The following DLG2 variants were observed in gnomAD, a reference collection of about 807,000 sequenced individuals.
The protein encoded by DLG2 is discs large MAGUK scaffold protein 2.
In DLG2, 45 loss-of-function variants were observed where a neutral mutation model predicts 132.5. That is an observed-to-expected ratio of 0.34 (90% CI 0.27 to 0.44). The LOEUF (loss-of-function observed/expected upper bound fraction) is 0.44, where lower values mean the gene tolerates loss of function less well. Among genes scored for constraint, DLG2 ranks in the 20% least tolerant of loss-of-function variants. The pLI is 1.00. For synonymous variants in DLG2, 424 were observed against 419.6 expected (o/e 1.01, Z -0.13); for missense variants, 1,045 against 1,196.9 (o/e 0.87, Z 1.87).
At chr11:84,237,759 C>G (rs546737062) in intron 8 of DLG2, among the ~76,000 whole-genome samples, 1 of 147,342 alleles carries the variant, frequency 6.8e-6, no homozygotes, top group African/African-American at 2.5e-5. Flanking sequence ...AAGACACAGC[C>G]GGGCATGGTG....
intron 6 of DLG2, chr11:84,997,891 A>T (rs1002519256): frequency 6.6e-6 from 1 of 152,250 alleles, no homozygotes; most frequent in Non-Finnish European, 1.5e-5. Context: ...AAAGTACATT[A>T]AACTTATCAG....
intron 6 of DLG2, among the ~76,000 whole-genome samples, chr11:85,087,860 A>AAAAAAAAAAC (rs2068183341): frequency 1.4e-5 from 2 of 147,774 alleles, no homozygotes; most frequent in Admixed American, 6.8e-5. Context: ...AAAAAAAAAA[A>AAAAAAAAAAC]AAAAAAAAAC....
chr11:83,753,294 G>A (rs1303144209), intron 18 of DLG2, among the ~76,000 whole-genome samples: 1 of 151,898 alleles, frequency 6.6e-6, no homozygotes, highest in Non-Finnish European at 1.5e-5. Context: ...GTGGTGGCAG[G>A]CGCCTGTAAT....
intron 6 of DLG2, among the ~76,000 whole-genome samples, chr11:84,917,744 G>T (rs2092555358): frequency 6.6e-6 from 1 of 152,006 alleles, no homozygotes; most frequent in African/African-American, 2.4e-5. Flanking sequence ...TGAGTTAATG[G>T]GCTTTGTTAG....
At chr11:84,230,100 A>G (rs929349059) in intron 8 of DLG2, among the ~76,000 whole-genome samples, 1 of 152,234 alleles carries the variant, frequency 6.6e-6, no homozygotes, top group Admixed American at 6.5e-5. Flanking sequence ...AACTTAAAGA[A>G]GGTAATTTAC....
intron 12 of DLG2, 93 bp from the exon 13 acceptor site, chr11:83,965,561 A>G (rs1480770657): frequency 9.6e-7 from 1 of 1,038,186 alleles, no homozygotes; most frequent in East Asian, 2.4e-5. Context: ...ATAAATTGTG[A>G]TAATTACTGT....
rs181248727 is a variant in DLG2, at chr11:84,480,705, C to T, written c.519+53865G>A. Among the ~76,000 whole-genome samples the T allele has an allele frequency of 1.3e-4, 19 of 146,376 alleles. No homozygotes were observed. In the East Asian group the frequency reaches 2.4e-3, roughly 18 times the overall value. ...CTAGTCTCTTTGGCCCATCAGTATT[C>T]GTTTTTTGTTTGTTTGTTTGCTTGT... On this transcript the variant is annotated intron_variant, in intron 7 of 27. Coordinates refer to ENST00000376104, the MANE Select transcript of DLG2 (RefSeq NM_001142699.3).
At chr11:84,031,167 A>G (rs917821011) in intron 11 of DLG2, among the ~76,000 whole-genome samples, 1 of 151,618 alleles carries the variant, frequency 6.6e-6, no homozygotes, top group African/African-American at 2.4e-5. Flanking sequence ...TTACAATTAT[A>G]CCACCCATAA....
At chr11:85,082,893 A>C (rs970436096) in intron 6 of DLG2, among the ~76,000 whole-genome samples, 1 of 151,962 alleles carries the variant, frequency 6.6e-6, no homozygotes, top group Non-Finnish European at 1.5e-5. Flanking sequence ...AAACAATACA[A>C]TTACTGAGCC....
intron 6 of DLG2, among the ~76,000 whole-genome samples, chr11:84,654,468 A>G (rs2154547076): frequency 6.6e-6 from 1 of 152,192 alleles, no homozygotes; most frequent in South Asian, 2.1e-4. Flanking sequence ...CTACTTTCTT[A>G]TCTGTAATTG....
chr11:84,630,081 G>T (rs927142342), intron 6 of DLG2, among the ~76,000 whole-genome samples: 1 of 152,068 alleles, frequency 6.6e-6, no homozygotes. Context: ...TCTTGCCTTG[G>T]TCTACCTAAG....
At chr11:84,466,140 CA>C (rs1320382645) in intron 7 of DLG2, among the ~76,000 whole-genome samples, 1 of 150,944 alleles carries the variant, frequency 6.6e-6, no homozygotes. Flanking sequence ...TCAAAAAGGA[CA>C]AAACTAGATC....
chr11:84,339,227 G>T (rs533591039), intron 7 of DLG2, among the ~76,000 whole-genome samples: 1 of 152,244 alleles, frequency 6.6e-6, no homozygotes, highest in South Asian at 2.1e-4. Context: ...TATAAAACTT[G>T]TTGGAACTGT....
chr11:84,701,494 T>G (rs1290012025), intron 6 of DLG2, among the ~76,000 whole-genome samples: 4 of 151,658 alleles, frequency 2.6e-5, no homozygotes, highest in African/African-American at 9.7e-5. Context: ...TGATAGGTCC[T>G]GTACTCCCAT....
At chr11:84,733,889 T>C (rs2063484086) in intron 6 of DLG2, among the ~76,000 whole-genome samples, 1 of 152,208 alleles carries the variant, frequency 6.6e-6, no homozygotes, top group Non-Finnish European at 1.5e-5. Flanking sequence ...ATTTGTTGAA[T>C]AGAGAATCCT....
At chr11:85,102,710 T>C (rs2071076617) in intron 6 of DLG2, among the ~76,000 whole-genome samples, 1 of 152,002 alleles carries the variant, frequency 6.6e-6, no homozygotes, top group African/African-American at 2.4e-5. Context: ...ATACTTTCCA[T>C]CTAAAGTCAA....
chr11:84,963,448 G>A (rs1225114353), intron 6 of DLG2, among the ~76,000 whole-genome samples: 1 of 139,280 alleles, frequency 7.2e-6, no homozygotes, highest in East Asian at 3.1e-4. Context: ...ACTGCCTCCT[G>A]GCTGTTTCAA....
intron 6 of DLG2, among the ~76,000 whole-genome samples, chr11:84,686,009 A>G (rs77093749): frequency 0.023 from 3,533 of 152,318 alleles, 145 homozygotes; most frequent in African/African-American, 0.079. Flanking sequence ...TCTTTAGGCC[A>G]GCAGCAGTTC....
At chr11:83,808,278 G>A (rs1017307324) in intron 17 of DLG2, among the ~76,000 whole-genome samples, 11 of 152,076 alleles carry the variant, frequency 7.2e-5, no homozygotes, top group African/African-American at 1.4e-4. Context: ...GCATTTTAAC[G>A]TCAAACCCTT....
Sources: allele counts gnomAD v4.1 joint callset (sites outside exome capture counted in the v4.1 genomes callset), GRCh38; gene constraint gnomAD v4.1.1; transcripts MANE v1.5; gene names NCBI Gene and HGNC (gene_info 2026-07-23, HGNC 2026-07-21).